MNAT1: variants seen among roughly 807,000 people sequenced by gnomAD.
MNAT1 encodes the protein CDK-activating kinase assembly factor MAT1.
MNAT1 carries 43 observed loss-of-function variants against 42.0 expected under a neutral mutation model. The ratio of observed to expected loss-of-function variants is 1.02; its 90% CI spans 0.80 to 1.32. MNAT1 has a LOEUF of 1.32. Among genes scored for constraint, MNAT1 ranks in the 40% most tolerant of loss-of-function variants. The pLI is 0.00. For missense variants in MNAT1, 306 were observed against 350.4 expected (o/e 0.87, Z 1.01); for synonymous variants, 118 against 120.0 (o/e 0.98, Z 0.11).
chr14:60,898,211 T>G lies in MNAT1; in HGVS notation c.809+18376T>G, dbSNP rs531043563. 5.3e-5 allele frequency among the ~76,000 whole-genome samples: 8 copies of G among 152,050 alleles called. No homozygotes were observed. The South Asian group carries it at 1.7e-3, about 32-fold the overall frequency. On this transcript the variant is annotated intron_variant, in intron 7 of 7. Coordinates refer to ENST00000261245, the MANE Select transcript of MNAT1 (RefSeq NM_002431.4). ...TAGATTGATTCTACAGTTTTTGCTATTGTGAATGGTGTTGTGATGAACATG... is the reference window on the plus strand; with the variant it reads ...TAGATTGATTCTACAGTTTTTGCTAGTGTGAATGGTGTTGTGATGAACATG...
chr14:60,942,282 C>T (rs149287399), intron 7 of MNAT1, among the ~76,000 whole-genome samples: 1 of 152,202 alleles, frequency 6.6e-6, no homozygotes, highest in Non-Finnish European at 1.5e-5. Context: ...GTAGTGTTAG[C>T]ACAGGAAAAC....
Position 60,780,055 on chromosome 14 carries a change from C to G in MNAT1, c.90-16162C>G, listed in dbSNP as rs1048428783. 1.0e-5 allele frequency: 15 copies of G among 1,493,952 alleles called. No homozygotes were observed. The East Asian group carries it at 3.2e-4, about 31-fold the overall frequency. The allele number at this position is 1,493,952 out of a possible 1,614,324, so 92.5% of individuals were successfully genotyped here. A position where few individuals can be genotyped will look rare whatever the true frequency, so the allele number is the denominator to read the frequency against. On this transcript the variant is annotated intron_variant, in intron 1 of 7. Transcript: ENST00000261245. ...AAATCGTGGACGAGTTCTTCTCATT[C>G]GGCATCAACAGCATTTTATATCAGC...
intron 7 of MNAT1, among the ~76,000 whole-genome samples, chr14:60,910,112 T>C (rs922576531): frequency 6.6e-6 from 1 of 152,242 alleles, no homozygotes; most frequent in African/African-American, 2.4e-5. Context: ...CACTCATGAT[T>C]TGGCTCTCTG....
chr14:60,805,359 C>G (rs2032334627), intron 3 of MNAT1, among the ~76,000 whole-genome samples: 2 of 152,054 alleles, frequency 1.3e-5, no homozygotes, highest in South Asian at 4.1e-4. Context: ...TATTAACATC[C>G]TGCACCAGAG....
intron 1 of MNAT1, among the ~76,000 whole-genome samples, chr14:60,787,599 T>G (rs1474845732): frequency 6.6e-6 from 1 of 152,170 alleles, no homozygotes; most frequent in African/African-American, 2.4e-5. Context: ...TTGATAACAT[T>G]TACTTACTGG....
At chr14:60,797,566 T>A (rs1024315790) in intron 2 of MNAT1, among the ~76,000 whole-genome samples, 2 of 152,178 alleles carry the variant, frequency 1.3e-5, no homozygotes, top group African/African-American at 4.8e-5. Context: ...TGATCCTACT[T>A]CTTCTCCGTA....
chr14:60,756,709 A>G (rs1473047409), intron 1 of MNAT1, among the ~76,000 whole-genome samples: 2 of 152,204 alleles, frequency 1.3e-5, no homozygotes, highest in Admixed American at 1.3e-4. Context: ...CTTTCTGGCT[A>G]TATACCTGTG....
At chr14:60,782,841 G>C (rs2031510931) in intron 1 of MNAT1, among the ~76,000 whole-genome samples, 1 of 152,128 alleles carries the variant, frequency 6.6e-6, no homozygotes. Flanking sequence ...CCTCTCAGTT[G>C]CTCAATAAAT....
chr14:60,793,741 A>ACAAACACTACC (rs1312131332), intron 1 of MNAT1, among the ~76,000 whole-genome samples: 4 of 152,170 alleles, frequency 2.6e-5, no homozygotes, highest in Non-Finnish European at 5.9e-5. Context: ...ATGTGGCCAC[A>ACAAACACTACC]CAAACACTAA....
intron 1 of MNAT1, among the ~76,000 whole-genome samples, chr14:60,756,685 G>A (rs2030368276): frequency 6.6e-6 from 1 of 152,162 alleles, no homozygotes; most frequent in African/African-American, 2.4e-5. Flanking sequence ...TCACAAAGGT[G>A]TCATTCATGT....
intron 6 of MNAT1, among the ~76,000 whole-genome samples, chr14:60,852,088 A>G (rs890130025): frequency 1.3e-5 from 2 of 152,142 alleles, no homozygotes; most frequent in South Asian, 2.1e-4. Flanking sequence ...TTCTGGTTCT[A>G]GTTTCTTGAG....
chr14:60,846,346 T>A (rs2033683257), intron 6 of MNAT1, among the ~76,000 whole-genome samples: 1 of 152,118 alleles, frequency 6.6e-6, no homozygotes, highest in Non-Finnish European at 1.5e-5. Flanking sequence ...GGTGTGACAG[T>A]CTTGTTGATC....
chr14:60,776,698 G>A lies in MNAT1; in HGVS notation c.90-19519G>A, dbSNP rs536024282. On this transcript the variant is annotated intron_variant, in intron 1 of 7. Coordinates refer to ENST00000261245, the MANE Select transcript of MNAT1 (RefSeq NM_002431.4). Reference sequence around the variant, plus strand: ...ATGTATTACGTATTGAGAATACTTTGGATCATATTCACTATAAGTGGTTCC... The same window carrying A: ...ATGTATTACGTATTGAGAATACTTTAGATCATATTCACTATAAGTGGTTCC... Among the ~76,000 whole-genome samples the A allele has an allele frequency of 5.9e-5, 9 of 152,206 alleles. No individual in the cohort carries two copies. The South Asian group carries it at 1.9e-3, about 32-fold the overall frequency.
chr14:60,927,625 G>A (rs1350693319), intron 7 of MNAT1, among the ~76,000 whole-genome samples: 10 of 152,170 alleles, frequency 6.6e-5, no homozygotes, highest in Admixed American at 6.5e-4. Context: ...TGTAAGTAAA[G>A]TCTGATGGGA....
At chr14:60,920,741 G>A (rs1022416566) in intron 7 of MNAT1, among the ~76,000 whole-genome samples, 48 of 152,194 alleles carry the variant, frequency 3.2e-4, no homozygotes, top group African/African-American at 9.9e-4. Flanking sequence ...ACGACGCCTC[G>A]CCTTATATTC....
intron 2 of MNAT1, 57 bp from the exon 3 acceptor site, chr14:60,798,030 G>C: frequency 2.4e-6 from 2 of 819,538 alleles, no homozygotes; most frequent in Admixed American, 2.2e-5. Context: ...AAACCAGTTA[G>C]ATAATATTAA....
At chr14:60,908,355 T>C (rs940107249) in intron 7 of MNAT1, among the ~76,000 whole-genome samples, 1 of 152,250 alleles carries the variant, frequency 6.6e-6, no homozygotes, top group African/African-American at 2.4e-5. Context: ...AGTTTTACGG[T>C]ATATGTGTAC....
At chr14:60,780,000 A>G in intron 1 of MNAT1, 1 of 1,565,486 alleles carries the variant, frequency 6.4e-7, no homozygotes, top group Non-Finnish European at 8.8e-7. Context: ...CTCTCCCGGG[A>G]GCAGGGAATC....
At chr14:60,756,414 C>A (rs2030351598) in intron 1 of MNAT1, among the ~76,000 whole-genome samples, 1 of 152,138 alleles carries the variant, frequency 6.6e-6, no homozygotes, top group Non-Finnish European at 1.5e-5. Context: ...AAATTCTGAA[C>A]TTTTATAGAG....
Sources: allele counts gnomAD v4.1 joint callset (sites outside exome capture counted in the v4.1 genomes callset), GRCh38; gene constraint gnomAD v4.1.1; transcripts MANE v1.5; gene names NCBI Gene and HGNC (gene_info 2026-07-23, HGNC 2026-07-21).